Variants in ROBO1 observed in about 807,000 individuals in gnomAD.
ROBO1 encodes roundabout homolog 1.
A neutral mutation model predicts 195.9 loss-of-function variants in ROBO1; 149 were observed. That is an observed-to-expected ratio of 0.76 (90% confidence interval 0.67 to 0.87). ROBO1 has a LOEUF of 0.87. ROBO1 is among the 40% of genes least tolerant of loss of function. The pLI is 0.00. For synonymous variants in ROBO1, 816 were observed against 733.2 expected (o/e 1.11, Z -1.82); for missense variants, 1,933 against 2,068.3 (o/e 0.93, Z 1.27).
intron 2 of ROBO1, among the ~76,000 whole-genome samples, chr3:79,456,380 T>A (rs2039621022): frequency 6.6e-6 from 1 of 152,112 alleles, no homozygotes; most frequent in Admixed American, 6.6e-5. Flanking sequence ...ATCAAGAAAG[T>A]CACAATTTTA....
intron 3 of ROBO1, among the ~76,000 whole-genome samples, chr3:79,004,074 A>G (rs1049713315): frequency 6.6e-6 from 1 of 152,290 alleles, no homozygotes; most frequent in South Asian, 2.1e-4. Context: ...GTAGACATCC[A>G]AAGTCCTTAG....
chr3:79,426,179 T>C (rs1348265845), intron 2 of ROBO1, among the ~76,000 whole-genome samples: 1 of 152,092 alleles, frequency 6.6e-6, no homozygotes, highest in African/African-American at 2.4e-5. Context: ...AAAATATCAT[T>C]GCATCAACAC....
intron 2 of ROBO1, among the ~76,000 whole-genome samples, chr3:79,437,048 C>A (rs77016383): frequency 0.034 from 5,223 of 152,080 alleles, 203 homozygotes; most frequent in African/African-American, 0.098. Context: ...AAACATGCAT[C>A]GTAACGGTTA....
At chr3:79,483,291 G>A (rs1202693820) in intron 2 of ROBO1, among the ~76,000 whole-genome samples, 1 of 152,164 alleles carries the variant, frequency 6.6e-6, no homozygotes, top group Non-Finnish European at 1.5e-5. Flanking sequence ...CAAGGTAAAG[G>A]GGAAAGTGAA....
At chr3:78,872,611 A>G (rs1479373105) in intron 4 of ROBO1, among the ~76,000 whole-genome samples, 1 of 152,198 alleles carries the variant, frequency 6.6e-6, no homozygotes, top group Admixed American at 6.5e-5. Context: ...AAACAAGCAC[A>G]ATGAAGAAGA....
At chr3:79,360,500 T>C (rs1312119343) in intron 2 of ROBO1, among the ~76,000 whole-genome samples, 2 of 152,038 alleles carry the variant, frequency 1.3e-5, no homozygotes, top group African/African-American at 4.8e-5. Context: ...TACTACAAAT[T>C]TATAGCTCAT....
At chr3:79,495,628 T>G (rs1939686772) in intron 2 of ROBO1, among the ~76,000 whole-genome samples, 1 of 152,140 alleles carries the variant, frequency 6.6e-6, no homozygotes, top group Non-Finnish European at 1.5e-5. Flanking sequence ...TTTCTGCCAT[T>G]CATTGTTGAG....
intron 2 of ROBO1, among the ~76,000 whole-genome samples, chr3:79,589,236 A>T (rs1014402987): frequency 2.6e-5 from 4 of 151,736 alleles, no homozygotes; most frequent in African/African-American, 9.7e-5. Flanking sequence ...TCCTATTAAA[A>T]CAGTATAAGT....
chr3:79,399,223 T>C (rs1045461164), intron 2 of ROBO1, among the ~76,000 whole-genome samples: 4 of 152,134 alleles, frequency 2.6e-5, no homozygotes, highest in Non-Finnish European at 4.4e-5. Flanking sequence ...TAAAGAGTCA[T>C]AGTCAGATCA....
chr3:79,259,130 A>G (rs1316242255), intron 2 of ROBO1, among the ~76,000 whole-genome samples: 1 of 151,950 alleles, frequency 6.6e-6, no homozygotes, highest in East Asian at 1.9e-4. Flanking sequence ...TTGAGTTGCA[A>G]ACAATCCAAA....
intron 3 of ROBO1, among the ~76,000 whole-genome samples, chr3:79,108,363 G>C (rs754526258): frequency 2.0e-5 from 3 of 151,324 alleles, no homozygotes; most frequent in Non-Finnish European, 3.0e-5. Context: ...TCACTTTAAA[G>C]ATAAATAAAA....
At chr3:78,825,991 C>G (rs2031560320) in intron 4 of ROBO1, among the ~76,000 whole-genome samples, 1 of 152,180 alleles carries the variant, frequency 6.6e-6, no homozygotes, top group African/African-American at 2.4e-5. Flanking sequence ...CCTACCATCT[C>G]AGATATCCAA....
chr3:79,577,561 TAA>T (rs1401995774), intron 2 of ROBO1, among the ~76,000 whole-genome samples: 1 of 152,034 alleles, frequency 6.6e-6, no homozygotes, highest in Admixed American at 6.6e-5. Context: ...GGTATTTGGA[TAA>T]AGGATTTGAA....
chr3:78,677,291 T>A (rs1461138920), intron 10 of ROBO1, among the ~76,000 whole-genome samples: 1 of 152,118 alleles, frequency 6.6e-6, no homozygotes, highest in Non-Finnish European at 1.5e-5. Flanking sequence ...CCATCTAACA[T>A]CATAATGACA....
chr3:79,450,953 C>A (rs1274318012), intron 2 of ROBO1, among the ~76,000 whole-genome samples: 1 of 151,796 alleles, frequency 6.6e-6, no homozygotes, highest in Non-Finnish European at 1.5e-5. Flanking sequence ...TTCTATTAAT[C>A]ATTTTTTTCA....
chr3:79,222,037 A>C (rs2108828543), intron 2 of ROBO1, among the ~76,000 whole-genome samples: 1 of 152,156 alleles, frequency 6.6e-6, no homozygotes, highest in African/African-American at 2.4e-5. Flanking sequence ...GTATTTCTTA[A>C]ATGAAGAGTT....
At chr3:79,250,603 A>G (rs1405646775) in intron 2 of ROBO1, among the ~76,000 whole-genome samples, 1 of 152,182 alleles carries the variant, frequency 6.6e-6, no homozygotes. Context: ...GATATCTTAT[A>G]AAACAGTCTA....
At chr3:79,501,751 T>C (rs1022643481) in intron 2 of ROBO1, among the ~76,000 whole-genome samples, 2 of 152,218 alleles carry the variant, frequency 1.3e-5, no homozygotes, top group Admixed American at 6.5e-5. Context: ...AAAGGCTTTT[T>C]TTAAAAAAAC....
At chr3:78,905,652 TA>T (rs1049190106) in intron 4 of ROBO1, among the ~76,000 whole-genome samples, 1 of 152,046 alleles carries the variant, frequency 6.6e-6, no homozygotes, top group African/African-American at 2.4e-5. Context: ...TATCAAATAC[TA>T]AACAAACTGA....
Sources: gnomAD v4.1 joint callset for allele counts (sites outside exome capture counted in the v4.1 genomes callset) on GRCh38, gnomAD v4.1.1 for gene constraint, MANE v1.5 for transcripts, NCBI Gene and HGNC (gene_info 2026-07-23, HGNC 2026-07-21) for gene names.